Variants in STT3A observed in about 807,000 individuals in gnomAD.
The protein encoded by STT3A is STT3 oligosaccharyltransferase complex catalytic subunit A.
In STT3A, 34 loss-of-function variants were observed where a neutral mutation model predicts 89.2. That is an observed-to-expected ratio of 0.38 (90% CI 0.29 to 0.51). The LOEUF (loss-of-function observed/expected upper bound fraction) is 0.51. Ranked by LOEUF, STT3A falls within the 20% of genes least tolerant of loss-of-function variation. The probability of loss-of-function intolerance (pLI) is 0.89; values close to 1 mark genes in which losing one functional copy is unlikely to be tolerated. For synonymous variants in STT3A, 282 were observed against 310.3 expected (o/e 0.91, Z 0.96); for missense variants, 555 against 889.5 (o/e 0.62, Z 4.78).
chr11:125,608,289 G>A lies in STT3A; in HGVS notation c.961G>A (p.Gly321Arg). 1 of 1,586,066 alleles carries A rather than the reference G, an allele frequency of 6.3e-7. No individual in the cohort carries two copies. Among genetic ancestry groups the A allele is most frequent in the Non-Finnish European group, 8.5e-7 (1 of 1,171,518 alleles). ...CGTGGGAGCTCTCCTCATGCTGACA[G>A]GTAGGGAAGGCTCACAGCTTTTTTC... ...LTVGALLMLT[G>R]KISPWTGRFY... Residue 321 changes from glycine to arginine, a missense_variant and splice_region_variant, in exon 9 of 18, where the codon GGA (glycine) becomes AGA (arginine). Gly to Arg is a moderately radical substitution (Grantham distance 125, BLOSUM62 -2). Transcript: ENST00000392708.
At chr11:125,605,212 G>A (rs1224150126) in intron 6 of STT3A, among the ~76,000 whole-genome samples, 1 of 151,958 alleles carries the variant, frequency 6.6e-6, no homozygotes, top group African/African-American at 2.4e-5. Flanking sequence ...TCCTGAAGTT[G>A]GGACTTCATT....
intron 1 of STT3A, among the ~76,000 whole-genome samples, chr11:125,594,085 CA>C (rs376752600): frequency 2.6e-5 from 4 of 151,410 alleles, no homozygotes; most frequent in Non-Finnish European, 4.4e-5. Flanking sequence ...ATTCCTAAGA[CA>C]AAAAAAATAA....
Position 125,601,920 on chromosome 11 carries a change from T to TC in STT3A, c.150-381dup, listed in dbSNP as rs563681546. 6.4e-3 allele frequency among the ~76,000 whole-genome samples: 981 copies of TC among 152,176 alleles called. 7 individuals are homozygous for TC. Among genetic ancestry groups the TC allele is most frequent in the African/African-American group, 0.023 (936 of 41,524 alleles). On this transcript the variant is annotated intron_variant, in intron 3 of 17. Transcript: ENST00000392708. Reference sequence around the variant, plus strand: ...TTCTAGCGATTCTCCTGCCTCAGCCTCCTGAGTAGCTGGGATTACAGGCAC... The same window carrying TC: ...TTCTAGCGATTCTCCTGCCTCAGCCTCCCTGAGTAGCTGGGATTACAGGCAC...
upstream of STT3A, among the ~76,000 whole-genome samples, chr11:125,592,092 G>C (rs1356388098): frequency 6.6e-6 from 1 of 152,166 alleles, no homozygotes; most frequent in African/African-American, 2.4e-5. Context: ...CCGGTCTCCC[G>C]AGGAAGCCCG....
At position 125,602,924 on chromosome 11, in the gene STT3A, G is replaced by C; in HGVS notation, c.393G>C (p.Thr131=). Residue 131 remains threonine (T), a synonymous_variant, in exon 5 of 18, where the codon ACG becomes ACC. Transcript: ENST00000392708. ...TCTCCTCCTTCACCACCATCGTCAC[G>C]TACCACCTTACCAAAGAGCTCAAGG... ...PLFSSFTTIV[T]YHLTKELKDA... 1 of 1,613,892 alleles carries C rather than the reference G, an allele frequency of 6.2e-7. No individual in the cohort carries two copies. Among genetic ancestry groups the C allele is most frequent in the South Asian group, 1.1e-5 (1 of 91,068 alleles).
At chr11:125,616,586 A>C (rs910632839) in intron 15 of STT3A, among the ~76,000 whole-genome samples, 1 of 152,258 alleles carries the variant, frequency 6.6e-6, no homozygotes, top group Non-Finnish European at 1.5e-5. Flanking sequence ...GCATAATAAA[A>C]ATAAAAAAAG....
intron 3 of STT3A, among the ~76,000 whole-genome samples, chr11:125,600,063 T>C (rs931846111): frequency 1.7e-4 from 25 of 148,834 alleles, no homozygotes; most frequent in African/African-American, 6.2e-4. Flanking sequence ...TTATTAATTT[T>C]TTTTGAGATG....
chr11:125,620,216 A>G, intron 17 of STT3A, 90 bp downstream of exon 17: 1 of 1,040,630 alleles, frequency 9.6e-7, no homozygotes, highest in East Asian at 2.5e-5. Flanking sequence ...TTTCTCAAAT[A>G]GGGAAATTTC....
rs923751427 is a variant in STT3A at position 125,611,281 on chromosome 11, T to C, written c.1118-147T>C. 8.2e-5 allele frequency: 53 copies of C among 643,430 alleles called. No individual in the cohort carries two copies. The African/African-American group carries it at 9.2e-4, about 11-fold the overall frequency. The allele number at this position is 643,430 out of a possible 1,614,324, so 39.9% of individuals were successfully genotyped here. On this transcript the variant is annotated intron_variant, in intron 10 of 17. Coordinates refer to ENST00000392708, the MANE Select transcript of STT3A (RefSeq NM_152713.5). ...TGTAGTAAACATCTTTGCATGTTTC[T>C]ATGATTGTTTTTTTAGGATAAATTC...
chr11:125,609,722 C>CA, intron 10 of STT3A, 133 bp downstream of exon 10: 1 of 1,047,910 alleles, frequency 9.5e-7, no homozygotes, highest in Non-Finnish European at 1.3e-6. Context: ...GACGGCTAAG[C>CA]AAATTTTCTC....
chr11:125,606,161 C>A, intron 7 of STT3A, 140 bp from the exon 8 acceptor site: 2 of 760,588 alleles, frequency 2.6e-6, no homozygotes, highest in Non-Finnish European at 4.1e-6. Flanking sequence ...GTTATTTGAA[C>A]TCTTTAAGCC....
At chr11:125,619,883 T>G in intron 16 of STT3A, 128 bp from the exon 17 acceptor site, 1 of 771,988 alleles carries the variant, frequency 1.3e-6, no homozygotes, top group Non-Finnish European at 2.1e-6. Flanking sequence ...TTTTGCAGGC[T>G]CTACTCTCAA....
chr11:125,619,597 G>A (rs1037886151), intron 16 of STT3A, among the ~76,000 whole-genome samples: 2 of 152,170 alleles, frequency 1.3e-5, no homozygotes, highest in East Asian at 3.9e-4. Context: ...ATTAGGTTAA[G>A]TCTCTCCTTC....
intron 8 of STT3A, among the ~76,000 whole-genome samples, chr11:125,607,774 G>T (rs1436578437): frequency 2.0e-5 from 3 of 152,256 alleles, no homozygotes; most frequent in Non-Finnish European, 4.4e-5. Context: ...CAGTTTGGCA[G>T]ATTGGGAAGA....
chr11:125,617,964 A>G (rs1274006859), intron 15 of STT3A, among the ~76,000 whole-genome samples: 1 of 152,202 alleles, frequency 6.6e-6, no homozygotes, highest in Non-Finnish European at 1.5e-5. Flanking sequence ...TTTTTTTACT[A>G]ACTTTTCAAA....
Position 125,602,320 on chromosome 11 carries a change from C to G in STT3A, c.167C>G (p.Thr56Ser), listed in dbSNP as rs551381052. Residue 56 changes from threonine (T) to serine (S), a missense_variant, in exon 4 of 18, where the codon ACT (threonine) becomes AGT (serine). Coordinates refer to ENST00000392708, the MANE Select transcript of STT3A (RefSeq NM_152713.5). ...TGCTATAGGTACTTTAATTATCGGA[C>G]TACCAGGTTCCTGGCTGAGGAGGGG... is the stretch of plus-strand genomic sequence containing the variant. The part of the protein sequence containing the change: ...HEFDPYFNYR[T>S]TRFLAEEGFY... The G allele has an allele frequency of 5.0e-6, 8 of 1,612,772 alleles. No homozygotes were observed. The highest frequency in any genetic ancestry group is 6.8e-6 in the Non-Finnish European group (8 of 1,179,714).
rs59685125 is a variant in STT3A at position 125,611,863 on chromosome 11, A to ATTTTTTT, written c.1209+369_1209+375dup. On this transcript the variant is annotated intron_variant, in intron 11 of 17. Coordinates refer to ENST00000392708, the MANE Select transcript of STT3A (RefSeq NM_152713.5). ...CTAGATTGTTAGAGGAGGGATTTGA[A>ATTTTTTT]TTTTTTTTTTTTTTTTTTTTTTTTT... Among the ~76,000 whole-genome samples the ATTTTTTT allele has an allele frequency of 2.0e-3, 114 of 56,970 alleles. 18 individuals are homozygous for ATTTTTTT. Among genetic ancestry groups the ATTTTTTT allele is most frequent in the African/African-American group, 3.3e-3 (50 of 15,036 alleles). The allele number at this position is 56,970 out of a possible 152,430, so 37.4% of individuals were successfully genotyped here.
chr11:125,618,674 A>G (rs1301478055), intron 16 of STT3A, 113 bp downstream of exon 16: 1 of 1,026,914 alleles, frequency 9.7e-7, no homozygotes, highest in Admixed American at 2.7e-5. Flanking sequence ...AACTCATTTA[A>G]TCCTCACAGC....
chr11:125,592,937 G>GT lies in STT3A; in HGVS notation c.-36+20dup, dbSNP rs1939361743. 1.8e-5 allele frequency: 3 copies of GT among 169,334 alleles called. No homozygotes were observed. The South Asian group carries it at 3.3e-4, about 18-fold the overall frequency. The allele number at this position is 169,334 out of a possible 1,614,324, so 10.5% of individuals were successfully genotyped here. On this transcript the variant is annotated intron_variant, in intron 1 of 17. Transcript: ENST00000392708. ...CGGCCAGGTGAGAAGGCCGTAGAAC[G>GT]TAACTTGAAAATCAGCGGCAGGTGC...
Sources: gnomAD v4.1 joint callset for allele counts (sites outside exome capture counted in the v4.1 genomes callset) on GRCh38, gnomAD v4.1.1 for gene constraint, MANE v1.5 for transcripts, NCBI Gene and HGNC (gene_info 2026-07-23, HGNC 2026-07-21) for gene names.